DMD: variants seen among roughly 807,000 people sequenced by gnomAD.
DMD encodes the protein mutant dystrophin.
Under a neutral mutation model 330.1 loss-of-function variants are expected in DMD, and 63 were observed. That is an observed-to-expected ratio of 0.19 (90% CI 0.16 to 0.24). The LOEUF (loss-of-function observed/expected upper bound fraction) is 0.24, where lower values mean the gene tolerates loss of function less well. Among genes scored for constraint, DMD ranks in the 10% least tolerant of loss-of-function variants. The probability of loss-of-function intolerance (pLI) is 1.00; values close to 1 mark genes in which losing one functional copy is unlikely to be tolerated. For missense variants in DMD, 3,344 were observed against 2,684.1 expected (o/e 1.25, Z -5.43); for synonymous variants, 1,223 against 959.8 (o/e 1.27, Z -5.07).
intron 54 of DMD, among the ~76,000 whole-genome samples, chrX:31,656,285 G>C (rs1200029078): frequency 8.9e-6 from 1 of 111,996 alleles, no homozygotes; most frequent in Admixed American, 9.4e-5. Flanking sequence ...ATAGCTTTTT[G>C]GAACCAAGCC....
intron 1 of DMD, among the ~76,000 whole-genome samples, chrX:33,234,152 G>C (rs1313615224): frequency 1.8e-5 from 2 of 111,485 alleles, no homozygotes; most frequent in Non-Finnish European, 3.8e-5. Context: ...TGCACTGCAG[G>C]CACAATTTAA....
At chrX:32,592,708 A>G (rs1193900105) in intron 13 of DMD, among the ~76,000 whole-genome samples, 3 of 112,142 alleles carry the variant, frequency 2.7e-5, no homozygotes, top group Non-Finnish European at 5.6e-5. Flanking sequence ...TCACCATGCT[A>G]TGGGCAATGA....
At chrX:32,840,914 T>C (rs1350380632) in intron 4 of DMD, among the ~76,000 whole-genome samples, 1 of 111,904 alleles carries the variant, frequency 8.9e-6, no homozygotes, top group East Asian at 2.8e-4. Context: ...AACTTGTATG[T>C]CTACAATAGA....
At chrX:32,837,980 G>A (rs1321741761) in intron 4 of DMD, among the ~76,000 whole-genome samples, 2 of 111,856 alleles carry the variant, frequency 1.8e-5, no homozygotes, top group Non-Finnish European at 3.8e-5. Context: ...TTTTATAGAA[G>A]TATCTACTAT....
intron 44 of DMD, among the ~76,000 whole-genome samples, chrX:32,205,002 C>CACA (rs1569550718): frequency 3.0e-4 from 14 of 45,995 alleles, no homozygotes; most frequent in East Asian, 1.6e-3. Context: ...CTCTCTCTCT[C>CACA]TCTCACATAC....
chrX:31,341,891 G>GCACACACACACACACACACA (rs58867858), intron 61 of DMD, among the ~76,000 whole-genome samples: 4 of 98,872 alleles, frequency 4.0e-5, no homozygotes, highest in South Asian at 1.0e-3. Flanking sequence ...GTGCGCGCGC[G>GCACACACACACACACACACA]CACACACACA....
chrX:33,040,323 C>T (rs1042012058), intron 1 of DMD, among the ~76,000 whole-genome samples: 1 of 110,469 alleles, frequency 9.1e-6, no homozygotes, highest in African/African-American at 3.3e-5. Flanking sequence ...CTCTACCACC[C>T]ATGGGACCCG....
chrX:31,513,673 C>T (rs560237274), intron 55 of DMD, among the ~76,000 whole-genome samples: 41 of 110,888 alleles, frequency 3.7e-4, no homozygotes, highest in African/African-American at 1.0e-3. Flanking sequence ...AAAGCAATAA[C>T]GAATGAACAA....
intron 45 of DMD, among the ~76,000 whole-genome samples, chrX:31,936,174 C>T (rs2094922928): frequency 9.0e-6 from 1 of 111,177 alleles, no homozygotes; most frequent in African/African-American, 3.3e-5. Context: ...TGTTTGCTTT[C>T]ATTTTTTATT....
At chrX:32,922,557 T>A (rs1334012987) in intron 2 of DMD, among the ~76,000 whole-genome samples, 2 of 112,400 alleles carry the variant, frequency 1.8e-5, no homozygotes, top group Non-Finnish European at 3.8e-5. Context: ...ACATTTATCA[T>A]TAAATTCTCA....
intron 51 of DMD, among the ~76,000 whole-genome samples, chrX:31,736,048 C>T (rs1369044733): frequency 9.0e-6 from 1 of 111,331 alleles, no homozygotes; most frequent in Non-Finnish European, 1.9e-5. Context: ...TCACTGGGCT[C>T]TACAGATTAC....
intron 50 of DMD, among the ~76,000 whole-genome samples, chrX:31,783,017 A>G (rs780877015): frequency 8.9e-6 from 1 of 112,011 alleles, no homozygotes; most frequent in South Asian, 3.7e-4. Flanking sequence ...GCAGAAGACA[A>G]GGGAAGAAAA....
chrX:33,295,730 A>T (rs911192752), intron 1 of DMD, among the ~76,000 whole-genome samples: 2 of 111,524 alleles, frequency 1.8e-5, no homozygotes, highest in Non-Finnish European at 3.8e-5. Context: ...TGCAATAAAC[A>T]GACCCACATC....
intron 50 of DMD, among the ~76,000 whole-genome samples, chrX:31,794,863 G>A (rs1390522471): frequency 1.8e-5 from 2 of 111,421 alleles, no homozygotes; most frequent in Admixed American, 9.6e-5. Flanking sequence ...GATCAGAAAC[G>A]AAATTTAGGA....
chrX:31,832,012 G>A (rs2093058174), intron 49 of DMD, among the ~76,000 whole-genome samples: 1 of 112,440 alleles, frequency 8.9e-6, no homozygotes, highest in Admixed American at 9.4e-5. Flanking sequence ...AACTTATTCT[G>A]GTGTTATTGG....
At chrX:33,028,827 TAA>T (rs1283712067) in intron 1 of DMD, among the ~76,000 whole-genome samples, 1 of 112,219 alleles carries the variant, frequency 8.9e-6, no homozygotes, top group East Asian at 2.8e-4. Context: ...TTATAATTTA[TAA>T]AGTGATTTCA....
chrX:32,942,285 G>A (rs2090479379), intron 2 of DMD, among the ~76,000 whole-genome samples: 1 of 112,553 alleles, frequency 8.9e-6, no homozygotes, highest in African/African-American at 3.2e-5. Context: ...GCTCATGCCT[G>A]TAATCCCAGC....
intron 1 of DMD, among the ~76,000 whole-genome samples, chrX:33,097,754 T>C (rs1260592472): frequency 9.2e-6 from 1 of 108,628 alleles, no homozygotes; most frequent in East Asian, 2.9e-4. Context: ...CAGCTGAGAT[T>C]ACAGGCACTG....
At position 32,614,292 on chromosome X, in the gene DMD, G is replaced by T. The variant is rs773045253; in HGVS notation, c.1482+11C>A. On this transcript the variant is annotated intron_variant, in intron 12 of 78. Coordinates refer to ENST00000357033, the MANE Select transcript of DMD (RefSeq NM_004006.3). ...TTCTAGTAGAAAGCACGCAACATAAGATACACCTACCTTATGTTGTTGTAC... is the reference window on the plus strand; with the variant it reads ...TTCTAGTAGAAAGCACGCAACATAATATACACCTACCTTATGTTGTTGTAC... 6 of 1,207,447 alleles carry T rather than the reference G, an allele frequency of 5.0e-6. No homozygotes were observed. In the South Asian group the frequency reaches 8.8e-5, roughly 18 times the overall value.
Sources: gnomAD v4.1 joint callset for allele counts (sites outside exome capture counted in the v4.1 genomes callset) on GRCh38, gnomAD v4.1.1 for gene constraint, MANE v1.5 for transcripts, NCBI Gene and HGNC (gene_info 2026-07-23, HGNC 2026-07-21) for gene names.